Variants in MED27 observed in about 807,000 individuals in gnomAD.
The protein encoded by MED27 is mediator complex subunit 27.
Under a neutral mutation model 38.2 loss-of-function variants are expected in MED27, and 30 were observed. The observed-to-expected ratio is 0.79, with a 90% CI of 0.59 to 1.07. The LOEUF is 1.07. Ranked by LOEUF, MED27 falls within the 50% of genes least tolerant of loss-of-function variation. The probability of loss-of-function intolerance (pLI) is 0.00; values close to 1 mark genes in which losing one functional copy is unlikely to be tolerated. For missense variants in MED27, 289 were observed against 397.5 expected, an observed-to-expected ratio of 0.73 and a Z score of 2.32; for synonymous variants, 122 against 153.5, an observed-to-expected ratio of 0.79 and a Z score of 1.52.
intron 5 of MED27, among the ~76,000 whole-genome samples, chr9:131,884,479 T>C (rs1157076566): frequency 2.0e-5 from 3 of 152,152 alleles, no homozygotes; most frequent in African/African-American, 7.2e-5. Context: ...GAATTGTTTT[T>C]CCCATAAACC....
intron 2 of MED27, among the ~76,000 whole-genome samples, chr9:132,054,241 T>G (rs1380216920): frequency 6.6e-6 from 1 of 152,064 alleles, no homozygotes; most frequent in African/African-American, 2.4e-5. Flanking sequence ...GACGTCTCCT[T>G]TAAAAGTGTG....
chr9:131,910,823 T>C (rs1192480991), intron 4 of MED27, among the ~76,000 whole-genome samples: 2 of 152,168 alleles, frequency 1.3e-5, no homozygotes, highest in Non-Finnish European at 2.9e-5. Context: ...TGCTCTGTCC[T>C]CCCCTCCTGG....
intron 2 of MED27, among the ~76,000 whole-genome samples, chr9:132,041,052 G>A (rs577898872): frequency 2.6e-5 from 4 of 152,244 alleles, no homozygotes; most frequent in South Asian, 4.2e-4. Context: ...ACCACACCAC[G>A]GGCAGCAGAG....
intron 2 of MED27, among the ~76,000 whole-genome samples, chr9:132,068,073 C>A (rs928396089): frequency 2.0e-5 from 3 of 152,088 alleles, no homozygotes; most frequent in Non-Finnish European, 2.9e-5. Flanking sequence ...GTTTCTTCCC[C>A]CCGCAAAAAG....
At chr9:132,035,500 G>A (rs1833053422) in intron 2 of MED27, among the ~76,000 whole-genome samples, 1 of 152,188 alleles carries the variant, frequency 6.6e-6, no homozygotes, top group South Asian at 2.1e-4. Flanking sequence ...GAAGCAGATG[G>A]GGGGTGGTGA....
Position 131,860,323 on chromosome 9 carries a change from C to T in MED27, c.*215G>A. On this transcript the variant is annotated 3_prime_UTR_variant, in exon 8 of 8. Coordinates refer to ENST00000292035, the MANE Select transcript of MED27 (RefSeq NM_004269.4). This position sits in a 1 kb window ranked among gnomAD's most constrained non-coding sequence, Gnocchi z 5.8. Reference sequence around the variant, plus strand: ...CCAGGTTCTAGAAAGGTCTTCTTTGCCTTCAGTCCGCTGGCTAGTGGGAAT... The same window carrying T: ...CCAGGTTCTAGAAAGGTCTTCTTTGTCTTCAGTCCGCTGGCTAGTGGGAAT... 2.0e-6 allele frequency: 1 copy of T among 499,336 alleles called. No individual in the cohort carries two copies. Among genetic ancestry groups the T allele is most frequent in the Non-Finnish European group, 3.4e-6 (1 of 297,740 alleles). The allele number at this position is 499,336 out of a possible 1,614,324, so 30.9% of individuals were successfully genotyped here.
intron 2 of MED27, among the ~76,000 whole-genome samples, chr9:132,042,308 AC>A (rs1482849676): frequency 2.0e-5 from 3 of 152,202 alleles, no homozygotes; most frequent in African/African-American, 7.2e-5. Flanking sequence ...AGTCTCATGG[AC>A]ACCCTATTTA....
chr9:131,930,122 T>TA (rs1395296861), intron 4 of MED27, among the ~76,000 whole-genome samples: 2 of 152,042 alleles, frequency 1.3e-5, no homozygotes, highest in African/African-American at 4.8e-5. Flanking sequence ...AAAATAGCGT[T>TA]AAAGGGCAAA....
chr9:131,870,195 C>A (rs1403686584), intron 6 of MED27, among the ~76,000 whole-genome samples: 1 of 152,196 alleles, frequency 6.6e-6, no homozygotes, highest in Non-Finnish European at 1.5e-5. Flanking sequence ...ACAGCAACAA[C>A]CCACATCGCC....
At chr9:132,026,095 C>T (rs1832811603) in intron 2 of MED27, among the ~76,000 whole-genome samples, 1 of 152,176 alleles carries the variant, frequency 6.6e-6, no homozygotes, top group African/African-American at 2.4e-5. Context: ...GCTCAGCAGC[C>T]TTACTCAAAC....
chr9:132,074,521 GCAC>G (rs769782125), intron 2 of MED27, among the ~76,000 whole-genome samples: 3 of 152,138 alleles, frequency 2.0e-5, no homozygotes, highest in African/African-American at 4.8e-5. Context: ...ACCCATTAAC[GCAC>G]TTACTGGTTT....
At chr9:131,966,383 C>CAAAAAAAAAAAAAAAAAAAAAA (rs749607968) in intron 3 of MED27, among the ~76,000 whole-genome samples, 614 of 36,680 alleles carry the variant, frequency 0.017, 112 homozygotes, top group Non-Finnish European at 0.018. Flanking sequence ...GACCCTGTCA[C>CAAAAAAAAAAAAAAAAAAAAAA]AAAAAAAAAA....
chr9:132,005,851 A>G (rs961034958), intron 3 of MED27, among the ~76,000 whole-genome samples: 2 of 152,174 alleles, frequency 1.3e-5, no homozygotes, highest in African/African-American at 4.8e-5. Context: ...ATATTAATAA[A>G]CGAGCTTAGG....
In MED27 at chr9:131,872,571, G is replaced by C. The variant is rs958275983; in HGVS notation, c.724-9431C>G. Among the ~76,000 whole-genome samples the C allele has an allele frequency of 6.6e-6, 1 of 151,274 alleles. No individual in the cohort carries two copies. The highest frequency in any genetic ancestry group is 2.1e-4 in the South Asian group (1 of 4,838). On this transcript the variant is annotated intron_variant, in intron 6 of 7. Coordinates refer to ENST00000292035, the MANE Select transcript of MED27 (RefSeq NM_004269.4). The surrounding 1 kb of genome is among the most constrained non-coding windows in gnomAD (Gnocchi z 5.6). ...ACAAAAAGGCAGACAGAGGGGAACC[G>C]TAAGGAGACCGGGGTTTGACCCTAG...
chr9:132,043,061 C>T (rs1226348179), intron 2 of MED27, among the ~76,000 whole-genome samples: 1 of 151,874 alleles, frequency 6.6e-6, no homozygotes, highest in Non-Finnish European at 1.5e-5. Flanking sequence ...GCACTGCTTC[C>T]CCAAAATTTA....
rs535483688 is a variant in MED27, at chr9:131,968,805, C to T, written c.480-29331G>A. On this transcript the variant is annotated intron_variant, in intron 3 of 7. Transcript: ENST00000292035. ...CAGCAGGAGGTGAGTGGTGGGCGAG[C>T]GAGCAAAGCTTCATCTGTATTTACA... is the stretch of plus-strand genomic sequence containing the variant. 3.3e-5 allele frequency among the ~76,000 whole-genome samples: 5 copies of T among 152,242 alleles called. No homozygotes were observed. In the South Asian group the frequency reaches 6.2e-4, roughly 19 times the overall value.
intron 5 of MED27, among the ~76,000 whole-genome samples, chr9:131,885,364 G>A (rs375200582): frequency 6.6e-6 from 1 of 152,210 alleles, no homozygotes; most frequent in African/African-American, 2.4e-5. Flanking sequence ...GCCCCCGGGG[G>A]AAGGTTTTTG....
intron 2 of MED27, among the ~76,000 whole-genome samples, chr9:132,054,244 A>G (rs1833526231): frequency 6.6e-6 from 1 of 152,038 alleles, no homozygotes; most frequent in African/African-American, 2.4e-5. Context: ...GTCTCCTTTA[A>G]AAGTGTGCGG....
chr9:131,945,081 A>T (rs897770768), intron 3 of MED27, among the ~76,000 whole-genome samples: 1 of 146,944 alleles, frequency 6.8e-6, no homozygotes, highest in Non-Finnish European at 1.5e-5. Flanking sequence ...ATATAAATAT[A>T]TATAAATAAT....
Sources: allele counts gnomAD v4.1 joint callset (sites outside exome capture counted in the v4.1 genomes callset), GRCh38; gene constraint gnomAD v4.1.1; non-coding constraint Gnocchi (gnomAD v3.1); transcripts MANE v1.5; gene names NCBI Gene and HGNC (gene_info 2026-07-23, HGNC 2026-07-21).